PTPN5: variants seen among roughly 807,000 people sequenced by gnomAD.
The protein encoded by PTPN5 is protein tyrosine phosphatase non-receptor type 5, also known as tyrosine-protein phosphatase non-receptor type 5.
A neutral mutation model predicts 73.9 loss-of-function variants in PTPN5; 29 were observed. The ratio of observed to expected loss-of-function variants is 0.39; its 90% CI spans 0.29 to 0.54. The LOEUF (loss-of-function observed/expected upper bound fraction) is 0.54, where lower values mean the gene tolerates loss of function less well. Ranked by LOEUF, PTPN5 falls within the 20% of genes least tolerant of loss-of-function variation. The probability of loss-of-function intolerance (pLI) is 0.65; values close to 1 mark genes in which losing one functional copy is unlikely to be tolerated. For synonymous variants in PTPN5, 267 were observed against 304.7 expected (o/e 0.88, Z 1.29); for missense variants, 652 against 751.4 (o/e 0.87, Z 1.55).
intron 1 of PTPN5, among the ~76,000 whole-genome samples, chr11:18,784,911 C>T (rs1473135760): frequency 1.3e-5 from 2 of 151,782 alleles, no homozygotes; most frequent in Admixed American, 6.6e-5. Flanking sequence ...TGGAGTGCAG[C>T]GGCGCTATCT....
chr11:18,788,109 C>T (rs543949822), intron 1 of PTPN5, among the ~76,000 whole-genome samples: 1 of 152,290 alleles, frequency 6.6e-6, no homozygotes, highest in African/African-American at 2.4e-5. Flanking sequence ...CTGTTAGTGC[C>T]TACATCCAAT....
At chr11:18,746,456 T>C (rs190315136) in intron 3 of PTPN5, among the ~76,000 whole-genome samples, 2 of 152,140 alleles carry the variant, frequency 1.3e-5, no homozygotes, top group African/African-American at 4.8e-5. Flanking sequence ...CCTCCCAAAG[T>C]GCTGGGATTA....
chr11:18,735,769 A>AAG (rs1849086232), intron 9 of PTPN5, among the ~76,000 whole-genome samples: 1 of 148,038 alleles, frequency 6.8e-6, no homozygotes, highest in African/African-American at 2.5e-5. Flanking sequence ...TGTCTCCCCC[A>AAG]AAAAAAAAAA....
chr11:18,770,889 C>G (rs1004397168), intron 2 of PTPN5, among the ~76,000 whole-genome samples: 1 of 152,168 alleles, frequency 6.6e-6, no homozygotes, highest in Non-Finnish European at 1.5e-5. Flanking sequence ...CTGCCGTGGG[C>G]TGGGTGAAGT....
chr11:18,731,985 T>C (rs377429085), intron 12 of PTPN5, among the ~76,000 whole-genome samples: 10 of 152,204 alleles, frequency 6.6e-5, no homozygotes, highest in African/African-American at 1.7e-4. Context: ...TCTCCTCTAT[T>C]ATGCTGATCC....
At chr11:18,741,858 T>A (rs1849379569) in intron 7 of PTPN5, among the ~76,000 whole-genome samples, 1 of 152,094 alleles carries the variant, frequency 6.6e-6, no homozygotes, top group Non-Finnish European at 1.5e-5. Flanking sequence ...ATGCACCCCC[T>A]CAATCCAAAA....
chr11:18,747,636 C>T (rs1386462130), intron 3 of PTPN5, among the ~76,000 whole-genome samples: 1 of 152,132 alleles, frequency 6.6e-6, no homozygotes, highest in African/African-American at 2.4e-5. Context: ...GTCTGAGAAG[C>T]ATGAAATTTG....
At chr11:18,734,581 A>C (rs557592878) in intron 9 of PTPN5, among the ~76,000 whole-genome samples, 2 of 152,096 alleles carry the variant, frequency 1.3e-5, no homozygotes, top group South Asian at 4.2e-4. Context: ...TGATCCTCCT[A>C]CCTCGGCCTC....
rs1200295716 is a variant in PTPN5, at chr11:18,743,409, C to A, written c.312G>T (p.Trp104Cys). 1.2e-6 allele frequency: 2 copies of A among 1,614,022 alleles called. No homozygotes were observed. The highest frequency in any genetic ancestry group is 4.5e-5 in the East Asian group (2 of 44,876). ...ACCAGATGTGGCCATAACCGCTGAA[C>A]CAGAGCACCCCACAGGCAAGCTGGG... is the stretch of plus-strand genomic sequence containing the variant. ...SQFLLACGVL[W>C]FSGYGHIWSQ... is the part of the protein sequence containing the mutation. The change falls in exon 5 of 15, where the codon TGG becomes TGT. Residue 104 changes from tryptophan (W) to cysteine (C), a missense_variant. Around this residue, in one of 3 missense-constraint regions of PTPN5, gnomAD observed 529 missense variants for 573.9 expected, o/e 0.92. Transcript: ENST00000358540.
chr11:18,781,996 C>T (rs1851453559), intron 1 of PTPN5, among the ~76,000 whole-genome samples: 2 of 152,306 alleles, frequency 1.3e-5, no homozygotes, highest in South Asian at 2.1e-4. Context: ...ACAAGGTATG[C>T]CAGGCAGACG....
Position 18,733,692 on chromosome 11 carries a change from C to T in PTPN5, c.1001-57G>A. The T allele has an allele frequency of 6.8e-7, 1 of 1,466,468 alleles. No individual in the cohort carries two copies. The highest frequency in any genetic ancestry group is 9.6e-7 in the Non-Finnish European group (1 of 1,046,018). 90.8% of individuals were successfully genotyped at this position (1,466,468 alleles called of 1,614,324 possible). A position where few individuals can be genotyped will look rare whatever the true frequency, so the allele number is the denominator to read the frequency against. On this transcript the variant is annotated intron_variant, in intron 9 of 14. Coordinates refer to ENST00000358540, the MANE Select transcript of PTPN5 (RefSeq NM_006906.2). This position sits in a 1 kb window ranked among gnomAD's most constrained non-coding sequence, Gnocchi z 4.3. ...ACTGGGCCCTCTGGTGCAGGACCCACTTGCTCTGGCCTATTCCAGCATACC... is the reference window on the plus strand; with the variant it reads ...ACTGGGCCCTCTGGTGCAGGACCCATTTGCTCTGGCCTATTCCAGCATACC...
chr11:18,789,024 T>G (rs934760520), intron 1 of PTPN5, among the ~76,000 whole-genome samples: 1 of 152,066 alleles, frequency 6.6e-6, no homozygotes, highest in Admixed American at 6.5e-5. Flanking sequence ...TCACAGATGT[T>G]TTATGCTGGC....
chr11:18,757,139 C>T (rs34231294), intron 3 of PTPN5, among the ~76,000 whole-genome samples: 47,933 of 151,980 alleles, frequency 0.32, 9,025 homozygotes, highest in Admixed American at 0.47. Context: ...CAATAAGAAA[C>T]CATAAAAAAA....
Position 18,743,234 on chromosome 11 carries a change from G to C in PTPN5, c.399+88C>G, listed in dbSNP as rs1849454751. On this transcript the variant is annotated intron_variant, in intron 5 of 14. Transcript: ENST00000358540. ...GGCTTGGAAGTATCTTCTGAACTCA[G>C]AGAAGCCCAATCTGGAGGTTGGGGA... 1.3e-5 allele frequency: 18 copies of C among 1,368,612 alleles called. No individual in the cohort carries two copies. The South Asian group carries it at 1.9e-4, about 14-fold the overall frequency. 84.8% of individuals were successfully genotyped at this position (1,368,612 alleles called of 1,614,324 possible).
chr11:18,772,823 G>C (rs12575115), intron 1 of PTPN5, among the ~76,000 whole-genome samples: 31,282 of 152,138 alleles, frequency 0.21, 3,961 homozygotes, highest in Middle Eastern at 0.3. Context: ...GGGGGATGTA[G>C]GTAAGAAGAA....
intron 1 of PTPN5, among the ~76,000 whole-genome samples, chr11:18,789,480 T>C (rs1312253500): frequency 1.3e-5 from 2 of 152,172 alleles, no homozygotes; most frequent in African/African-American, 4.8e-5. Flanking sequence ...CAGAAATCCC[T>C]ACATGGCAAA....
At chr11:18,756,294 C>CTTTTT (rs552226983) in intron 3 of PTPN5, among the ~76,000 whole-genome samples, 2 of 111,026 alleles carry the variant, frequency 1.8e-5, no homozygotes, top group African/African-American at 3.4e-5. Context: ...ACATCCTTCA[C>CTTTTT]TTTTTTTTTT....
intron 1 of PTPN5, among the ~76,000 whole-genome samples, chr11:18,782,879 C>A (rs1053564928): frequency 3.3e-5 from 5 of 152,290 alleles, no homozygotes; most frequent in Admixed American, 6.5e-5. Flanking sequence ...AAAGAACTCT[C>A]CCACCCAAAG....
intron 3 of PTPN5, among the ~76,000 whole-genome samples, chr11:18,763,163 G>A (rs933437114): frequency 1.3e-5 from 2 of 152,262 alleles, no homozygotes; most frequent in South Asian, 2.1e-4. Context: ...CAACTTGCTC[G>A]GCCTCTGCAA....
Sources: gnomAD v4.1 joint callset for allele counts (sites outside exome capture counted in the v4.1 genomes callset) on GRCh38, gnomAD v4.1.1 for gene constraint, gnomAD v4.1.1 regional missense constraint, Gnocchi (gnomAD v3.1) non-coding constraint, MANE v1.5 for transcripts, NCBI Gene and HGNC (gene_info 2026-07-23, HGNC 2026-07-21) for gene names.